PEPD: variants seen among roughly 807,000 people sequenced by gnomAD.
The protein encoded by PEPD is peptidase D.
In PEPD, 53 loss-of-function variants were observed where a neutral mutation model predicts 60.7. The observed-to-expected ratio is 0.87, with a 90% CI of 0.70 to 1.10. PEPD has a LOEUF of 1.10. PEPD is among the 50% of genes least tolerant of loss of function. The probability of loss-of-function intolerance (pLI) is 0.00; values close to 1 mark genes in which losing one functional copy is unlikely to be tolerated. For synonymous variants in PEPD, 267 were observed against 284.1 expected, an observed-to-expected ratio of 0.94 and a Z score of 0.60; for missense variants, 711 against 711.9, an observed-to-expected ratio of 1.00 and a Z score of 0.01.
intron 7 of PEPD, among the ~76,000 whole-genome samples, chr19:33,470,151 C>T (rs556201518): frequency 1.3e-5 from 2 of 152,168 alleles, no homozygotes; most frequent in Non-Finnish European, 2.9e-5. Flanking sequence ...TCCCCCTCCA[C>T]GACCTCCCTC....
rs569311974 is a variant in PEPD at position 33,486,431 on chromosome 19, G to A, written c.503+3565C>T. Among the ~76,000 whole-genome samples the A allele has an allele frequency of 5.3e-5, 8 of 151,852 alleles. No individual in the cohort carries two copies. The South Asian group carries it at 1.7e-3, about 32-fold the overall frequency. On this transcript the variant is annotated intron_variant, in intron 6 of 14. Coordinates refer to ENST00000244137, the MANE Select transcript of PEPD (RefSeq NM_000285.4). ...CCTGGGCCGGACCCCAAACTCACAA[G>A]CCCCTACAGACCATCCCGGCCTACA...
chr19:33,411,747 C>G lies in PEPD; in HGVS notation c.743G>C (p.Gly248Ala). Residue 248 changes from glycine (G) to alanine (A), a missense_variant and splice_region_variant, in exon 11 of 15, where the codon GGT (glycine) becomes GCT (alanine). Coordinates refer to ENST00000244137, the MANE Select transcript of PEPD (RefSeq NM_000285.4). ...GTAGTGTAGCACGGCTGAGTTCTCACCACTGCAAAGAGCCGGGGGAGGGTG... is the reference window on the plus strand; with the variant it reads ...GTAGTGTAGCACGGCTGAGTTCTCAGCACTGCAAAGAGCCGGGGGAGGGTG... The part of the protein sequence containing the change: ...HSSYTCICGS[G>A]ENSAVLHYGH... 6.2e-7 allele frequency: 1 copy of G among 1,600,752 alleles called. No homozygotes were observed. Among genetic ancestry groups the G allele is most frequent in the South Asian group, 1.1e-5 (1 of 90,582 alleles).
chr19:33,410,957 G>A (rs370431475), intron 11 of PEPD, among the ~76,000 whole-genome samples: 2 of 152,126 alleles, frequency 1.3e-5, no homozygotes, highest in African/African-American at 4.8e-5. Flanking sequence ...CAGGCTGCAA[G>A]TACTCACACA....
intron 9 of PEPD, among the ~76,000 whole-genome samples, chr19:33,428,487 G>T (rs1001501613): frequency 6.6e-6 from 1 of 152,214 alleles, no homozygotes; most frequent in Non-Finnish European, 1.5e-5. Context: ...AGGGGTCTCA[G>T]TGGACTCCTG....
At chr19:33,430,004 A>G (rs1969236035) in intron 9 of PEPD, among the ~76,000 whole-genome samples, 1 of 152,246 alleles carries the variant, frequency 6.6e-6, no homozygotes, top group African/African-American at 2.4e-5. Context: ...ACCGGCACTC[A>G]TGGTTTGGGA....
intron 7 of PEPD, among the ~76,000 whole-genome samples, chr19:33,474,887 G>A (rs933742812): frequency 6.6e-6 from 1 of 151,506 alleles, no homozygotes; most frequent in Admixed American, 6.6e-5. Flanking sequence ...GGCTGAGGTG[G>A]GAGGATCGCC....
Position 33,401,915 on chromosome 19 carries a change from G to A in PEPD, c.819-46C>T, listed in dbSNP as rs1408068798. On this transcript the variant is annotated intron_variant, in intron 11 of 14. Coordinates refer to ENST00000244137, the MANE Select transcript of PEPD (RefSeq NM_000285.4). The stretch of plus-strand genomic sequence containing the variant: ...GGCAAGTGGGTACTGGGGTGCCACC[G>A]CCCCCTTACCCTTACCGCTCCCCAC... 1.2e-5 allele frequency: 19 copies of A among 1,591,478 alleles called. No individual in the cohort carries two copies. The East Asian group carries it at 1.3e-4, about 11-fold the overall frequency.
chr19:33,521,791 C>G lies in PEPD; in HGVS notation c.-31G>C. ...CCCGGCACCGGCGTCACGTGAAGTG[C>G]GGCGTCAGCTGAGCCCCTCCGGGTG... On this transcript the variant is annotated 5_prime_UTR_variant, in exon 1 of 15. Coordinates refer to ENST00000244137, the MANE Select transcript of PEPD (RefSeq NM_000285.4). 2 of 1,375,356 alleles carry G rather than the reference C, an allele frequency of 1.5e-6. No homozygotes were observed. The highest frequency in any genetic ancestry group is 9.6e-7 in the Non-Finnish European group (1 of 1,040,624). The allele number at this position is 1,375,356 out of a possible 1,614,324, so 85.2% of individuals were successfully genotyped here.
chr19:33,431,748 T>C (rs1283842409), intron 9 of PEPD, among the ~76,000 whole-genome samples: 2 of 151,948 alleles, frequency 1.3e-5, no homozygotes, highest in Non-Finnish European at 2.9e-5. Flanking sequence ...ATCCCAGCAC[T>C]TTAGGAGGCT....
intron 9 of PEPD, among the ~76,000 whole-genome samples, chr19:33,426,279 T>C (rs977593330): frequency 4.6e-5 from 7 of 152,218 alleles, no homozygotes; most frequent in African/African-American, 1.4e-4. Flanking sequence ...GTGCTTTGCT[T>C]TGGATTCCCT....
intron 12 of PEPD, among the ~76,000 whole-genome samples, chr19:33,397,064 C>T (rs1054761939): frequency 1.3e-5 from 2 of 152,170 alleles, no homozygotes; most frequent in Non-Finnish European, 2.9e-5. Context: ...CCCAACCTCC[C>T]GTGCATGGCA....
intron 9 of PEPD, among the ~76,000 whole-genome samples, chr19:33,431,818 C>T (rs1401316933): frequency 6.6e-6 from 1 of 151,848 alleles, no homozygotes; most frequent in Admixed American, 6.6e-5. Context: ...TATGGCAAAA[C>T]CCTGTCTCTA....
chr19:33,485,155 T>C (rs1232113737), intron 6 of PEPD, among the ~76,000 whole-genome samples: 2 of 152,144 alleles, frequency 1.3e-5, no homozygotes, highest in Non-Finnish European at 2.9e-5. Flanking sequence ...TTCTCACCTC[T>C]TGAGGGTCCC....
At chr19:33,508,085 AC>A (rs144781068) in intron 3 of PEPD, among the ~76,000 whole-genome samples, 5,864 of 151,538 alleles carry the variant, frequency 0.039, 251 homozygotes, top group African/African-American at 0.099. Flanking sequence ...CCCTGATCAG[AC>A]CCTCCCTGAA....
At chr19:33,502,331 A>G (rs1320873398) in intron 3 of PEPD, among the ~76,000 whole-genome samples, 1 of 152,130 alleles carries the variant, frequency 6.6e-6, no homozygotes, top group African/African-American at 2.4e-5. Flanking sequence ...GGCCTCAGAC[A>G]AAAAAACAGC....
At chr19:33,479,645 C>G (rs1970279951) in intron 6 of PEPD, among the ~76,000 whole-genome samples, 1 of 152,152 alleles carries the variant, frequency 6.6e-6, no homozygotes, top group Non-Finnish European at 1.5e-5. Flanking sequence ...TCATTTAGCT[C>G]CCACTTGTAA....
chr19:33,489,356 C>T (rs983199949), intron 6 of PEPD, among the ~76,000 whole-genome samples: 2 of 152,106 alleles, frequency 1.3e-5, no homozygotes, highest in Non-Finnish European at 2.9e-5. Flanking sequence ...GGGACAGGCA[C>T]GGTGTCTCAC....
At chr19:33,390,535 C>A (rs1968191548) in intron 13 of PEPD, among the ~76,000 whole-genome samples, 1 of 152,248 alleles carries the variant, frequency 6.6e-6, no homozygotes, top group South Asian at 2.1e-4. Context: ...GGCTGGGGGG[C>A]CCCAGGGCGT....
intron 9 of PEPD, among the ~76,000 whole-genome samples, chr19:33,438,336 A>G (rs961010207): frequency 6.6e-6 from 1 of 152,254 alleles, no homozygotes; most frequent in Non-Finnish European, 1.5e-5. Context: ...GGGGCCCCAG[A>G]CCAACACAGC....
Sources: gnomAD v4.1 joint callset for allele counts (sites outside exome capture counted in the v4.1 genomes callset) on GRCh38, gnomAD v4.1.1 for gene constraint, MANE v1.5 for transcripts, NCBI Gene and HGNC (gene_info 2026-07-23, HGNC 2026-07-21) for gene names.